Variants in RAB11FIP3 observed in about 807,000 individuals in gnomAD.
The protein encoded by RAB11FIP3 is rab11 family-interacting protein 3.
In RAB11FIP3, 17 loss-of-function variants were observed where a neutral mutation model predicts 77.8. The ratio of observed to expected loss-of-function variants is 0.22; its 90% confidence interval spans 0.15 to 0.33. The LOEUF is 0.33. RAB11FIP3 is among the 10% of genes least tolerant of loss of function. The pLI, the probability that RAB11FIP3 is intolerant of heterozygous loss-of-function variation, is 1.00. For synonymous variants in RAB11FIP3, 437 were observed against 448.2 expected (o/e 0.98, Z 0.31); for missense variants, 1,005 against 1,011.2 (o/e 0.99, Z 0.08).
chr16:434,087 A>G (rs1480180885), intron 1 of RAB11FIP3, among the ~76,000 whole-genome samples: 4 of 152,076 alleles, frequency 2.6e-5, no homozygotes, highest in Non-Finnish European at 5.9e-5. Context: ...TTGAAATTGA[A>G]GGTCTCTGAT....
At chr16:432,077 A>T (rs190649913) in intron 1 of RAB11FIP3, among the ~76,000 whole-genome samples, 41 of 151,616 alleles carry the variant, frequency 2.7e-4, no homozygotes, top group African/African-American at 9.7e-4. Context: ...ATTTTTATAG[A>T]TGTTCATTGT....
chr16:430,716 C>T (rs1046474669), intron 1 of RAB11FIP3, among the ~76,000 whole-genome samples: 3 of 151,734 alleles, frequency 2.0e-5, no homozygotes, highest in Non-Finnish European at 2.9e-5. Flanking sequence ...GACCATGCTC[C>T]GCTAATTTAA....
intron 1 of RAB11FIP3, among the ~76,000 whole-genome samples, chr16:432,167 G>A (rs2055048231): frequency 1.3e-5 from 2 of 152,154 alleles, no homozygotes; most frequent in South Asian, 4.1e-4. Context: ...TGGATCATCT[G>A]AGATCAGGAG....
intron 4 of RAB11FIP3, among the ~76,000 whole-genome samples, chr16:486,598 G>A (rs997878917): frequency 2.6e-5 from 4 of 152,354 alleles, no homozygotes; most frequent in African/African-American, 7.2e-5. Flanking sequence ...TCTGTGGACC[G>A]TGGAAAGCAC....
intron 6 of RAB11FIP3, 105 bp downstream of exon 6, chr16:496,964 A>T: frequency 5.4e-6 from 7 of 1,293,316 alleles, no homozygotes; most frequent in Non-Finnish European, 7.6e-6. Flanking sequence ...TATTTTTTAA[A>T]CTCTTGCAAG....
chr16:492,268 G>A (rs1486264467), intron 5 of RAB11FIP3, among the ~76,000 whole-genome samples: 1 of 151,602 alleles, frequency 6.6e-6, no homozygotes, highest in East Asian at 1.9e-4. Flanking sequence ...AGGTGGAGAG[G>A]ATGGGGGTGG....
chr16:451,987 A>G (rs189433970), intron 1 of RAB11FIP3, among the ~76,000 whole-genome samples: 53 of 152,252 alleles, frequency 3.5e-4, no homozygotes, highest in Non-Finnish European at 7.6e-4. Context: ...CATCTTTACT[A>G]AAAATACAAA....
intron 5 of RAB11FIP3, among the ~76,000 whole-genome samples, chr16:491,448 C>G (rs1368304500): frequency 4.6e-5 from 7 of 152,150 alleles, no homozygotes; most frequent in Non-Finnish European, 1.5e-5. Flanking sequence ...TGCCTCCTCC[C>G]CTGCATGCGC....
chr16:444,197 T>C (rs1006815075), intron 1 of RAB11FIP3, among the ~76,000 whole-genome samples: 7 of 152,266 alleles, frequency 4.6e-5, no homozygotes, highest in Non-Finnish European at 7.3e-5. Context: ...TGTGGTATTA[T>C]CCTTTCTTAC....
intron 4 of RAB11FIP3, among the ~76,000 whole-genome samples, chr16:484,030 G>A (rs1300331582): frequency 4.6e-5 from 7 of 151,984 alleles, no homozygotes; most frequent in Non-Finnish European, 7.4e-5. Flanking sequence ...TTCCTGGGGC[G>A]GCATCACGGG....
At chr16:487,436 C>A (rs1011412766) in intron 4 of RAB11FIP3, among the ~76,000 whole-genome samples, 1 of 152,066 alleles carries the variant, frequency 6.6e-6, no homozygotes, top group African/African-American at 2.4e-5. Context: ...TTTAAGCCTG[C>A]GTGTTTGAGG....
intron 8 of RAB11FIP3, among the ~76,000 whole-genome samples, chr16:510,301 G>A (rs529188762): frequency 1.3e-5 from 2 of 152,374 alleles, no homozygotes; most frequent in African/African-American, 4.8e-5. Context: ...GTGGCTGCAG[G>A]TGGAGCAGCT....
At chr16:476,899 A>G (rs1438939978) in intron 3 of RAB11FIP3, among the ~76,000 whole-genome samples, 4 of 152,062 alleles carry the variant, frequency 2.6e-5, no homozygotes, top group East Asian at 1.9e-4. Flanking sequence ...GACCAGCCTG[A>G]CCAACACGGT....
rs938560548 is a variant in RAB11FIP3, at chr16:426,724, C to T, written c.714+4C>T. 5.4e-6 allele frequency: 8 copies of T among 1,478,844 alleles called. No individual in the cohort carries two copies. Among genetic ancestry groups the T allele is most frequent in the Admixed American group, 2.4e-5 (1 of 42,284 alleles). The allele number at this position is 1,478,844 out of a possible 1,614,324, so 91.6% of individuals were successfully genotyped here. A position where few individuals can be genotyped will look rare whatever the true frequency, so the allele number is the denominator to read the frequency against. On this transcript the variant is annotated splice_donor_region_variant and intron_variant, in intron 1 of 13. Coordinates refer to ENST00000262305, the MANE Select transcript of RAB11FIP3 (RefSeq NM_014700.4). This position sits in a 1 kb window ranked among gnomAD's most constrained non-coding sequence, Gnocchi z 5.0. ...TACGGTCTACGGGGCAGAGCAGGTA[C>T]GGAGCGGCCCGGGCCGGGGCGTGGG...
chr16:473,610 AT>A (rs5815048), intron 3 of RAB11FIP3, among the ~76,000 whole-genome samples: 86,591 of 150,550 alleles, frequency 0.58, 24,861 homozygotes, highest in Middle Eastern at 0.66. Flanking sequence ...GATTTTTTGT[AT>A]TTTTTTTTTG....
In RAB11FIP3 at chr16:505,674, G is replaced by A; in HGVS notation, c.1499+47G>A. 1 of 1,449,124 alleles carries A rather than the reference G, an allele frequency of 6.9e-7. No individual in the cohort carries two copies. Among genetic ancestry groups the A allele is most frequent in the Non-Finnish European group, 9.3e-7 (1 of 1,070,098 alleles). 89.8% of individuals were successfully genotyped at this position (1,449,124 alleles called of 1,614,324 possible). A position where few individuals can be genotyped will look rare whatever the true frequency, so the allele number is the denominator to read the frequency against. ...CGGGCCTCTGCGTGGCGCCTCCTGT[G>A]CCCGCCTGTCAGCCCCCATTTACTT... On this transcript the variant is annotated intron_variant, in intron 8 of 13. Coordinates refer to ENST00000262305, the MANE Select transcript of RAB11FIP3 (RefSeq NM_014700.4). The surrounding 1 kb of genome is among the most constrained non-coding windows in gnomAD (Gnocchi z 4.0).
chr16:503,112 G>A lies in RAB11FIP3; in HGVS notation c.1395+15G>A. On this transcript the variant is annotated intron_variant, in intron 7 of 13. Transcript: ENST00000262305. Reference sequence around the variant, plus strand: ...TTGCTGACAAGGTAGGCCCTGGAGGGCTGGGTAGGTGGCAAGTAGGGGATT... The same window carrying A: ...TTGCTGACAAGGTAGGCCCTGGAGGACTGGGTAGGTGGCAAGTAGGGGATT... 1 of 1,592,656 alleles carries A rather than the reference G, an allele frequency of 6.3e-7. No homozygotes were observed.
rs757636344 is a variant in RAB11FIP3, at chr16:505,066, C to T, written c.1396-458C>T. ...CAAGTCCTCCTCTGCTCCCTTCACT[C>T]CTTCTCCTACCTCCGCAGGTGTCTG... is the stretch of plus-strand genomic sequence containing the variant. On this transcript the variant is annotated intron_variant, in intron 7 of 13. Coordinates refer to ENST00000262305, the MANE Select transcript of RAB11FIP3 (RefSeq NM_014700.4). The surrounding 1 kb of genome is among the most constrained non-coding windows in gnomAD (Gnocchi z 4.0). Among the ~76,000 whole-genome samples the T allele has an allele frequency of 2.0e-5, 3 of 150,426 alleles. No homozygotes were observed. The highest frequency in any genetic ancestry group is 7.4e-5 in the African/African-American group (3 of 40,700).
At position 515,958 on chromosome 16, in the gene RAB11FIP3, C is replaced by T. The variant is rs1323062967; in HGVS notation, c.1641-2985C>T. ...GGCGCCAGCACACACCAGAGTGGCA[C>T]CACCGAGCGCCCGGGTCCTCCTGAC... On this transcript the variant is annotated intron_variant, in intron 9 of 13. Coordinates refer to ENST00000262305, the MANE Select transcript of RAB11FIP3 (RefSeq NM_014700.4). 2.0e-5 allele frequency among the ~76,000 whole-genome samples: 3 copies of T among 152,328 alleles called. No individual in the cohort carries two copies. The East Asian group carries it at 5.8e-4, about 29-fold the overall frequency.
Sources: gnomAD v4.1 joint callset for allele counts (sites outside exome capture counted in the v4.1 genomes callset) on GRCh38, gnomAD v4.1.1 for gene constraint, Gnocchi (gnomAD v3.1) non-coding constraint, MANE v1.5 for transcripts, NCBI Gene and HGNC (gene_info 2026-07-23, HGNC 2026-07-21) for gene names.